SGCG: variants seen among roughly 807,000 people sequenced by gnomAD.
SGCG encodes the protein gamma-sarcoglycan.
A neutral mutation model predicts 29.3 loss-of-function variants in SGCG; 26 were observed. The observed-to-expected ratio is 0.89, with a 90% CI of 0.65 to 1.23. The LOEUF is 1.23. Ranked by LOEUF, SGCG falls within the 50% of genes most tolerant of loss-of-function variation. The probability of loss-of-function intolerance (pLI) is 0.00; values close to 1 mark genes in which losing one functional copy is unlikely to be tolerated. For missense variants in SGCG, 353 were observed against 356.0 expected (o/e 0.99, Z 0.07); for synonymous variants, 145 against 129.7 (o/e 1.12, Z -0.80).
intron 5 of SGCG, among the ~76,000 whole-genome samples, chr13:23,293,600 G>A (rs1001473521): frequency 2.6e-5 from 4 of 152,298 alleles, no homozygotes; most frequent in South Asian, 2.1e-4. Flanking sequence ...GAAGGCCAAG[G>A]AAGACAGATC....
At chr13:23,312,169 T>A (rs1031693552) in intron 6 of SGCG, among the ~76,000 whole-genome samples, 1 of 152,224 alleles carries the variant, frequency 6.6e-6, no homozygotes, top group South Asian at 2.1e-4. Context: ...AGATGTCATA[T>A]TCATAGAATC....
At chr13:23,319,070 C>G (rs1391766876) in intron 6 of SGCG, among the ~76,000 whole-genome samples, 1 of 152,132 alleles carries the variant, frequency 6.6e-6, no homozygotes, top group African/African-American at 2.4e-5. Flanking sequence ...GAGGCCAAGG[C>G]GGGTGGATCC....
chr13:23,258,806 A>G (rs1214410850), intron 4 of SGCG, among the ~76,000 whole-genome samples: 4 of 152,130 alleles, frequency 2.6e-5, no homozygotes, highest in Non-Finnish European at 5.9e-5. Context: ...TGAGATAATC[A>G]TGTGGTTTTT....
At chr13:23,311,124 A>G (rs1010472849) in intron 6 of SGCG, among the ~76,000 whole-genome samples, 9 of 152,224 alleles carry the variant, frequency 5.9e-5, no homozygotes, top group African/African-American at 2.2e-4. Flanking sequence ...AGTGCTGGTT[A>G]GGCTGAGCCA....
At chr13:23,175,417 G>C in the SGCG span, among the ~76,000 whole-genome samples, 1 of 152,106 alleles carries the variant, frequency 6.6e-6, no homozygotes, top group Non-Finnish European at 1.5e-5. Context: ...CATATTTCCT[G>C]TGATTCTGAT....
chr13:23,257,006 G>A (rs1027988232), intron 4 of SGCG, among the ~76,000 whole-genome samples: 1 of 152,286 alleles, frequency 6.6e-6, no homozygotes. Flanking sequence ...CGGTGTAAAA[G>A]CATTCCTATT....
At chr13:23,207,589 A>G (rs1024610185) in intron 2 of SGCG, among the ~76,000 whole-genome samples, 2 of 152,206 alleles carry the variant, frequency 1.3e-5, no homozygotes, top group African/African-American at 4.8e-5. Flanking sequence ...AATTTCCAAA[A>G]TATATAAGGA....
chr13:23,262,813 G>T (rs1277653742), intron 4 of SGCG, among the ~76,000 whole-genome samples: 1 of 151,868 alleles, frequency 6.6e-6, no homozygotes, highest in Non-Finnish European at 1.5e-5. Context: ...TATCTTCTCA[G>T]ACCACAGCAA....
At chr13:23,201,525 G>T (rs1315499665) in intron 1 of SGCG, among the ~76,000 whole-genome samples, 1 of 152,068 alleles carries the variant, frequency 6.6e-6, no homozygotes, top group Non-Finnish European at 1.5e-5. Flanking sequence ...TGGAAGCAGA[G>T]GCTCGAGCAA....
intron 2 of SGCG, among the ~76,000 whole-genome samples, chr13:23,214,764 G>A (rs1878361654): frequency 6.6e-6 from 1 of 152,114 alleles, no homozygotes; most frequent in Admixed American, 6.5e-5. Flanking sequence ...ATGATTAAAA[G>A]AAAAATACAA....
chr13:23,216,603 C>A (rs746750119), intron 2 of SGCG, among the ~76,000 whole-genome samples: 43 of 152,088 alleles, frequency 2.8e-4, no homozygotes, highest in Admixed American at 3.3e-4. Flanking sequence ...CATCTCTTTG[C>A]AAATGCACTT....
intron 4 of SGCG, among the ~76,000 whole-genome samples, chr13:23,255,261 G>T (rs1259070257): frequency 6.6e-6 from 1 of 152,224 alleles, no homozygotes; most frequent in Admixed American, 6.5e-5. Flanking sequence ...ACCTTGAGGT[G>T]CCATCTTATT....
At position 23,308,920 on chromosome 13, in the gene SGCG, G is replaced by GT. The variant is rs879255904; in HGVS notation, c.579-11708dup. On this transcript the variant is annotated intron_variant, in intron 6 of 7. Coordinates refer to ENST00000218867, the MANE Select transcript of SGCG (RefSeq NM_000231.3). ...TCAGGTTTTTTGAAAAACTCTCCTGGTTTTTTTTTATTGGAATTACACTGA... is the reference window on the plus strand; with the variant it reads ...TCAGGTTTTTTGAAAAACTCTCCTGGTTTTTTTTTTATTGGAATTACACTGA... Among the ~76,000 whole-genome samples the GT allele has an allele frequency of 3.5e-4, 53 of 150,998 alleles. 1 individual carries two copies. Among genetic ancestry groups the GT allele is most frequent in the African/African-American group, 7.8e-4 (32 of 41,236 alleles).
chr13:23,166,488 C>T, the SGCG span, among the ~76,000 whole-genome samples: 8 of 152,336 alleles, frequency 5.3e-5, no homozygotes, highest in African/African-American at 1.9e-4. Flanking sequence ...GCCACCGTGC[C>T]CAGCCTCTGT....
At chr13:23,183,217 A>C (rs576480882) in intron 1 of SGCG, among the ~76,000 whole-genome samples, 3 of 152,288 alleles carry the variant, frequency 2.0e-5, no homozygotes, top group African/African-American at 7.2e-5. Context: ...ATATAAGGCA[A>C]TTAGAAAGTT....
At chr13:23,208,203 G>A (rs585794) in intron 2 of SGCG, among the ~76,000 whole-genome samples, 37,045 of 151,862 alleles carry the variant, frequency 0.24, 4,818 homozygotes, top group Middle Eastern at 0.33. Flanking sequence ...CATGCATTCA[G>A]TTGTTAGTCA....
rs545829779 is a variant in SGCG at position 23,292,862 on chromosome 13, A to G, written c.506-2553A>G. ...CAGTAAATATACTTATATAAAATTAAGCATAGCTCTGCTTGTCTTCTTGGG... is the reference window on the plus strand; with the variant it reads ...CAGTAAATATACTTATATAAAATTAGGCATAGCTCTGCTTGTCTTCTTGGG... On this transcript the variant is annotated intron_variant, in intron 5 of 7. Coordinates refer to ENST00000218867, the MANE Select transcript of SGCG (RefSeq NM_000231.3). Among the ~76,000 whole-genome samples, 3 of 152,386 alleles carry G rather than the reference A, an allele frequency of 2.0e-5. No homozygotes were observed. In the South Asian group the frequency reaches 6.2e-4, roughly 32 times the overall value.
At chr13:23,291,147 T>C (rs1881692541) in intron 5 of SGCG, among the ~76,000 whole-genome samples, 1 of 152,230 alleles carries the variant, frequency 6.6e-6, no homozygotes, top group Non-Finnish European at 1.5e-5. Flanking sequence ...AATGACATAT[T>C]CTAAAAATAA....
In SGCG at chr13:23,324,872, T is replaced by C. The variant is rs981504595; in HGVS notation, c.*331T>C. 1 of 375,938 alleles carries C rather than the reference T, an allele frequency of 2.7e-6. No homozygotes were observed. Among genetic ancestry groups the C allele is most frequent in the African/African-American group, 2.1e-5 (1 of 47,642 alleles). 23.3% of individuals were successfully genotyped at this position (375,938 alleles called of 1,614,324 possible). A position where few individuals can be genotyped will look rare whatever the true frequency, so the allele number is the denominator to read the frequency against. On this transcript the variant is annotated 3_prime_UTR_variant, in exon 8 of 8. Transcript: ENST00000218867. Reference sequence around the variant, plus strand: ...GCACACACTGAGTGTTGAGTTGCCGTGTGGAGTTAATGTATGACGCTCCAC... The same window carrying C: ...GCACACACTGAGTGTTGAGTTGCCGCGTGGAGTTAATGTATGACGCTCCAC...
Sources: gnomAD v4.1 joint callset for allele counts (sites outside exome capture counted in the v4.1 genomes callset) on GRCh38, gnomAD v4.1.1 for gene constraint, MANE v1.5 for transcripts, NCBI Gene and HGNC (gene_info 2026-07-23, HGNC 2026-07-21) for gene names.